Variants in CUL9 observed in about 807,000 individuals in gnomAD.
CUL9 encodes the protein cullin 9.
In CUL9, 79 loss-of-function variants were observed where a neutral mutation model predicts 272.6. That is an observed-to-expected ratio of 0.29 (90% confidence interval 0.24 to 0.35). The LOEUF (loss-of-function observed/expected upper bound fraction) is 0.35. Among genes scored for constraint, CUL9 ranks in the 10% least tolerant of loss-of-function variants. The pLI, the probability that CUL9 is intolerant of heterozygous loss-of-function variation, is 1.00. For synonymous variants in CUL9, 1,186 were observed against 1,286.5 expected (o/e 0.92, Z 1.67); for missense variants, 2,532 against 3,255.6 (o/e 0.78, Z 5.41).
Position 43,203,774 on chromosome 6 carries a change from T to A in CUL9, c.4026-80T>A. The A allele has an allele frequency of 6.5e-7, 1 of 1,540,558 alleles. No homozygotes were observed. Among genetic ancestry groups the A allele is most frequent in the East Asian group, 2.3e-5 (1 of 44,116 alleles). On this transcript the variant is annotated intron_variant, in intron 19 of 40. Coordinates refer to ENST00000252050, the MANE Select transcript of CUL9 (RefSeq NM_015089.4). This position sits in a 1 kb window ranked among gnomAD's most constrained non-coding sequence, Gnocchi z 5.0. ...GGGTCAGGGACCGAACAGGGGTGAT[T>A]GGGAGCTGATCTGCACTTGAATGGA...
At chr6:43,219,039 T>A (rs1262991968) in intron 31 of CUL9, among the ~76,000 whole-genome samples, 1 of 151,998 alleles carries the variant, frequency 6.6e-6, no homozygotes, top group Non-Finnish European at 1.5e-5. Context: ...AGAAAAAAAC[T>A]TTACCCAGGC....
Position 43,218,874 on chromosome 6 carries a change from T to G in CUL9, c.6283-1585T>G, listed in dbSNP as rs1458727850. Among the ~76,000 whole-genome samples the G allele has an allele frequency of 6.6e-6, 1 of 151,994 alleles. No homozygotes were observed. Among genetic ancestry groups the G allele is most frequent in the Non-Finnish European group, 1.5e-5 (1 of 67,992 alleles). On this transcript the variant is annotated intron_variant, in intron 31 of 40. Coordinates refer to ENST00000252050, the MANE Select transcript of CUL9 (RefSeq NM_015089.4). This position sits in a 1 kb window ranked among gnomAD's most constrained non-coding sequence, Gnocchi z 4.4. ...AACTGGCAGGTAGACAGTGGATTTT[T>G]GAATTTGGAATGAAGCAGAGAGGCC...
At chr6:43,195,467 A>C (rs1012949801) in intron 9 of CUL9, among the ~76,000 whole-genome samples, 3 of 152,192 alleles carry the variant, frequency 2.0e-5, no homozygotes, top group African/African-American at 7.2e-5. Flanking sequence ...CAGGTTTTGG[A>C]GACTTGGTGT....
At position 43,203,400 on chromosome 6, in the gene CUL9, G is replaced by A; in HGVS notation, c.3850-17G>A. 2 of 1,613,428 alleles carry A rather than the reference G, an allele frequency of 1.2e-6. No homozygotes were observed. Among genetic ancestry groups the A allele is most frequent in the Non-Finnish European group, 1.7e-6 (2 of 1,179,702 alleles). Reference sequence around the variant, plus strand: ...CTCAAGCGGCTTGGGTGACAGATAAGTCTGTGCATGTTCCAGGGCGGCATT... The same window carrying A: ...CTCAAGCGGCTTGGGTGACAGATAAATCTGTGCATGTTCCAGGGCGGCATT... On this transcript the variant is annotated splice_polypyrimidine_tract_variant and intron_variant, in intron 18 of 40. Coordinates refer to ENST00000252050, the MANE Select transcript of CUL9 (RefSeq NM_015089.4). The surrounding 1 kb of genome is among the most constrained non-coding windows in gnomAD (Gnocchi z 5.0).
chr6:43,211,828 C>G (rs1775528375), intron 26 of CUL9, among the ~76,000 whole-genome samples: 1 of 151,798 alleles, frequency 6.6e-6, no homozygotes, highest in South Asian at 2.1e-4. Flanking sequence ...CTACAGTTAT[C>G]AAGTATTTAG....
In CUL9 at chr6:43,220,323, G is replaced by C; in HGVS notation, c.6283-136G>C. On this transcript the variant is annotated intron_variant, in intron 31 of 40. Coordinates refer to ENST00000252050, the MANE Select transcript of CUL9 (RefSeq NM_015089.4). This position sits in a 1 kb window ranked among gnomAD's most constrained non-coding sequence, Gnocchi z 4.9. Reference sequence around the variant, plus strand: ...AGAGGAGTCAGCATTGGTTGATCTAGAGGCAGGCTTGTTTCTGGCCTTCCA... The same window carrying C: ...AGAGGAGTCAGCATTGGTTGATCTACAGGCAGGCTTGTTTCTGGCCTTCCA... 1.0e-6 allele frequency: 1 copy of C among 989,136 alleles called. No homozygotes were observed. The highest frequency in any genetic ancestry group is 1.5e-6 in the Non-Finnish European group (1 of 656,116). 61.3% of individuals were successfully genotyped at this position (989,136 alleles called of 1,614,324 possible).
intron 8 of CUL9, among the ~76,000 whole-genome samples, chr6:43,189,695 C>CA (rs1280897347): frequency 1.3e-5 from 2 of 152,130 alleles, no homozygotes; most frequent in African/African-American, 2.4e-5. Flanking sequence ...AGGTGCCCAC[C>CA]ACCAGGCCCA....
intron 1 of CUL9, among the ~76,000 whole-genome samples, chr6:43,182,803 T>C (rs1772533793): frequency 6.6e-6 from 1 of 152,182 alleles, no homozygotes; most frequent in Non-Finnish European, 1.5e-5. Context: ...TGGGTTTACC[T>C]TCTTCCATTC....
In CUL9 at chr6:43,199,881, T is replaced by G; in HGVS notation, c.3157-48T>G. The G allele has an allele frequency of 6.9e-7, 1 of 1,457,206 alleles. No individual in the cohort carries two copies. Among genetic ancestry groups the G allele is most frequent in the South Asian group, 1.1e-5 (1 of 87,740 alleles). The allele number at this position is 1,457,206 out of a possible 1,614,324, so 90.3% of individuals were successfully genotyped here. A position where few individuals can be genotyped will look rare whatever the true frequency, so the allele number is the denominator to read the frequency against. On this transcript the variant is annotated intron_variant, in intron 13 of 40. Transcript: ENST00000252050. The surrounding 1 kb of genome is among the most constrained non-coding windows in gnomAD (Gnocchi z 4.4). ...GAACCCTCTCCTCAATCCTTACATGTCCTACCTCTTGTTTCCTGTAAATTA... is the reference window on the plus strand; with the variant it reads ...GAACCCTCTCCTCAATCCTTACATGGCCTACCTCTTGTTTCCTGTAAATTA...
intron 29 of CUL9, 93 bp from the exon 30 acceptor site, chr6:43,214,984 AAG>A (rs1775813955): frequency 1.4e-6 from 2 of 1,433,968 alleles, no homozygotes; most frequent in Non-Finnish European, 1.9e-6. Flanking sequence ...CTTAAAAAAA[AAG>A]GGGGGGAAAA....
chr6:43,224,543 G>A lies in CUL9; in HGVS notation c.*98G>A. 8.8e-7 allele frequency: 1 copy of A among 1,138,406 alleles called. No homozygotes were observed. The allele number at this position is 1,138,406 out of a possible 1,614,324, so 70.5% of individuals were successfully genotyped here. A position where few individuals can be genotyped will look rare whatever the true frequency, so the allele number is the denominator to read the frequency against. On this transcript the variant is annotated 3_prime_UTR_variant, in exon 41 of 41. Coordinates refer to ENST00000252050, the MANE Select transcript of CUL9 (RefSeq NM_015089.4). This position sits in a 1 kb window ranked among gnomAD's most constrained non-coding sequence, Gnocchi z 4.2. ...ATAGGGAGGGGGATTCCCAGCGTCTGTAGTGCTTCCTGTTTGCTGAATAAA... is the reference window on the plus strand; with the variant it reads ...ATAGGGAGGGGGATTCCCAGCGTCTATAGTGCTTCCTGTTTGCTGAATAAA...
At chr6:43,190,959 G>A (rs1029726420) in intron 8 of CUL9, among the ~76,000 whole-genome samples, 1 of 151,748 alleles carries the variant, frequency 6.6e-6, no homozygotes, top group African/African-American at 2.4e-5. Flanking sequence ...TAGCTCCTGC[G>A]CTTGTCTCGT....
rs963500688 is a variant in CUL9 at position 43,220,947 on chromosome 6, G to A, written c.6588+36G>A. On this transcript the variant is annotated intron_variant, in intron 33 of 40. Coordinates refer to ENST00000252050, the MANE Select transcript of CUL9 (RefSeq NM_015089.4). The surrounding 1 kb of genome is among the most constrained non-coding windows in gnomAD (Gnocchi z 4.9). Reference sequence around the variant, plus strand: ...CACACTGGCCCTGACCCTGAGCAAGGATTCACACTCCTTCCCTGCTTAATA... The same window carrying A: ...CACACTGGCCCTGACCCTGAGCAAGAATTCACACTCCTTCCCTGCTTAATA... The A allele has an allele frequency of 6.4e-7, 1 of 1,565,626 alleles. No homozygotes were observed. Among genetic ancestry groups the A allele is most frequent in the Non-Finnish European group, 8.7e-7 (1 of 1,153,234 alleles).
chr6:43,205,880 G>T, intron 24 of CUL9, 127 bp from the exon 25 acceptor site: 1 of 725,458 alleles, frequency 1.4e-6, no homozygotes. Flanking sequence ...GAAAGGGAGT[G>T]GGAAAGAAGA....
chr6:43,188,352 A>T (rs763171700), intron 7 of CUL9, 171 bp from the exon 8 acceptor site: 2 of 807,892 alleles, frequency 2.5e-6, no homozygotes, highest in Non-Finnish European at 3.8e-6. Context: ...GGGTGTCTTC[A>T]TCTCCTTTGT....
chr6:43,198,230 T>C, intron 11 of CUL9: 1 of 984,728 alleles, frequency 1.0e-6, no homozygotes, highest in Non-Finnish European at 1.2e-6. Flanking sequence ...GACAGCGCTC[T>C]GTGTATTCCT....
rs940067102 is a variant in CUL9, at chr6:43,218,737, A to G, written c.6283-1722A>G. On this transcript the variant is annotated intron_variant, in intron 31 of 40. Coordinates refer to ENST00000252050, the MANE Select transcript of CUL9 (RefSeq NM_015089.4). This position sits in a 1 kb window ranked among gnomAD's most constrained non-coding sequence, Gnocchi z 4.4. Reference sequence around the variant, plus strand: ...TAAATGTAGGGGCTTCAGACAGGGGAATCAAGGATGGTTCCTGTGCTTTGA... The same window carrying G: ...TAAATGTAGGGGCTTCAGACAGGGGGATCAAGGATGGTTCCTGTGCTTTGA... Among the ~76,000 whole-genome samples the G allele has an allele frequency of 1.3e-5, 2 of 152,082 alleles. No homozygotes were observed. The highest frequency in any genetic ancestry group is 1.3e-4 in the Admixed American group (2 of 15,274).
intron 29 of CUL9, among the ~76,000 whole-genome samples, chr6:43,214,441 A>G (rs1380843413): frequency 1.3e-5 from 2 of 152,028 alleles, no homozygotes; most frequent in African/African-American, 4.8e-5. Context: ...TCATCATTTA[A>G]TCTTCACAAC....
At position 43,209,428 on chromosome 6, in the gene CUL9, C is replaced by T. The variant is rs142035839; in HGVS notation, c.5212+2918C>T. Reference sequence around the variant, plus strand: ...CCTCCTGAAGTGCTGGGATTACAGGCGTGAGCCACCGTGCCCGGCCATTCT... The same window carrying T: ...CCTCCTGAAGTGCTGGGATTACAGGTGTGAGCCACCGTGCCCGGCCATTCT... On this transcript the variant is annotated intron_variant, in intron 26 of 40. Coordinates refer to ENST00000252050, the MANE Select transcript of CUL9 (RefSeq NM_015089.4). Among the ~76,000 whole-genome samples, 737 of 152,174 alleles carry T rather than the reference C, an allele frequency of 4.8e-3. 4 individuals carry two copies. Among genetic ancestry groups the T allele is most frequent in the African/African-American group, 0.016 (659 of 41,528 alleles).
Sources: allele counts gnomAD v4.1 joint callset (sites outside exome capture counted in the v4.1 genomes callset), GRCh38; gene constraint gnomAD v4.1.1; non-coding constraint Gnocchi (gnomAD v3.1); transcripts MANE v1.5; gene names NCBI Gene and HGNC (gene_info 2026-07-23, HGNC 2026-07-21).